FHIT: variants seen among roughly 807,000 people sequenced by gnomAD.
The protein encoded by FHIT is bis(5'-adenosyl)-triphosphatase.
Under a neutral mutation model 17.9 loss-of-function variants are expected in FHIT, and 19 were observed. The observed-to-expected ratio is 1.06, with a 90% CI of 0.74 to 1.56. The LOEUF (loss-of-function observed/expected upper bound fraction) is 1.56, where lower values mean the gene tolerates loss of function less well. Ranked by LOEUF, FHIT falls within the 40% of genes most tolerant of loss-of-function variation. The pLI is 0.00. For missense variants in FHIT, 248 were observed against 189.2 expected, an observed-to-expected ratio of 1.31 and a Z score of -1.82; for synonymous variants, 81 against 69.7, an observed-to-expected ratio of 1.16 and a Z score of -0.81.
At chr3:60,881,194 AG>A (rs1704960578) in intron 3 of FHIT, among the ~76,000 whole-genome samples, 2 of 152,354 alleles carry the variant, frequency 1.3e-5, no homozygotes, top group Non-Finnish European at 2.9e-5. Context: ...CTGTAAAAAG[AG>A]ACAAAGAGGA....
chr3:60,437,485 G>C (rs144847994), intron 5 of FHIT, among the ~76,000 whole-genome samples: 1 of 152,074 alleles, frequency 6.6e-6, no homozygotes, highest in East Asian at 1.9e-4. Flanking sequence ...CTCTATGCCC[G>C]CCATGACACA....
At chr3:60,082,032 G>A (rs1297903888) in intron 5 of FHIT, among the ~76,000 whole-genome samples, 7 of 151,746 alleles carry the variant, frequency 4.6e-5, no homozygotes, top group Admixed American at 3.9e-4. Flanking sequence ...TAGGTATATT[G>A]CATGATGCTC....
chr3:60,571,497 G>A (rs1031844771), intron 4 of FHIT, among the ~76,000 whole-genome samples: 21 of 152,050 alleles, frequency 1.4e-4, no homozygotes, highest in African/African-American at 5.1e-4. Flanking sequence ...CTTCTGAGGA[G>A]AATTTGAGAA....
At chr3:61,181,316 G>A (rs1004434830) in intron 2 of FHIT, among the ~76,000 whole-genome samples, 7 of 152,138 alleles carry the variant, frequency 4.6e-5, no homozygotes, top group African/African-American at 1.7e-4. Flanking sequence ...AATATATACT[G>A]TGAAAACATC....
In FHIT at chr3:60,402,289, G is replaced by A. The variant is rs986181407; in HGVS notation, c.103+134571C>T. ...CATGCAGTCAGTTGCAAAACAGGGA[G>A]CAAGTTTTCCAAAGAGCACGTGGGT... On this transcript the variant is annotated intron_variant, in intron 5 of 9. Coordinates refer to ENST00000492590, the MANE Select transcript of FHIT (RefSeq NM_002012.4). 2.0e-5 allele frequency among the ~76,000 whole-genome samples: 3 copies of A among 152,162 alleles called. No homozygotes were observed. The South Asian group carries it at 6.2e-4, about 31-fold the overall frequency.
intron 2 of FHIT, among the ~76,000 whole-genome samples, chr3:61,099,994 G>C (rs561374879): frequency 6.6e-6 from 1 of 152,036 alleles, no homozygotes; most frequent in Admixed American, 6.6e-5. Context: ...TGGTTTAGTG[G>C]GTGTGAAGTG....
At chr3:59,774,202 G>T (rs934328757) in intron 8 of FHIT, among the ~76,000 whole-genome samples, 2 of 152,106 alleles carry the variant, frequency 1.3e-5, no homozygotes, top group Admixed American at 1.3e-4. Context: ...TTTGGTAAAG[G>T]GGCTTTTATT....
intron 2 of FHIT, among the ~76,000 whole-genome samples, chr3:61,081,854 G>A (rs1244401265): frequency 1.3e-5 from 2 of 151,996 alleles, no homozygotes; most frequent in Non-Finnish European, 1.5e-5. Context: ...ATCTTTTTGG[G>A]GGCACACAAG....
At chr3:60,210,837 T>C (rs1373235246) in intron 5 of FHIT, among the ~76,000 whole-genome samples, 1 of 152,032 alleles carries the variant, frequency 6.6e-6, no homozygotes, top group Non-Finnish European at 1.5e-5. Flanking sequence ...GGATAAGTGT[T>C]CATCAATACC....
intron 3 of FHIT, among the ~76,000 whole-genome samples, chr3:60,944,922 T>G (rs1178139667): frequency 6.6e-6 from 1 of 152,184 alleles, no homozygotes; most frequent in Non-Finnish European, 1.5e-5. Context: ...AACACTGTTC[T>G]AGGCACTAAG....
At chr3:60,033,507 GAGAAAGAAAGAAA>G (rs983895148) in intron 5 of FHIT, among the ~76,000 whole-genome samples, 25 of 151,608 alleles carry the variant, frequency 1.6e-4, no homozygotes, top group East Asian at 1.6e-3. Context: ...AAAAAAAAGA[GAGAAAGAAAGAAA>G]AGAAAGAAAG....
intron 2 of FHIT, among the ~76,000 whole-genome samples, chr3:61,162,261 C>T (rs1205858093): frequency 6.6e-6 from 1 of 152,208 alleles, no homozygotes; most frequent in Non-Finnish European, 1.5e-5. Flanking sequence ...CACTGGAAAG[C>T]CCCTCTTTGT....
intron 1 of FHIT, among the ~76,000 whole-genome samples, chr3:61,211,336 C>T (rs928772998): frequency 3.9e-5 from 6 of 152,148 alleles, no homozygotes; most frequent in Admixed American, 6.5e-5. Context: ...TAAGAAACGG[C>T]GCACCAGAAG....
chr3:60,930,168 G>A (rs1707868448), intron 3 of FHIT, among the ~76,000 whole-genome samples: 1 of 151,904 alleles, frequency 6.6e-6, no homozygotes, highest in African/African-American at 2.4e-5. Flanking sequence ...GCCATATGTA[G>A]AAAGCTGAAA....
At chr3:60,488,225 A>G (rs1441930011) in intron 5 of FHIT, among the ~76,000 whole-genome samples, 1 of 152,162 alleles carries the variant, frequency 6.6e-6, no homozygotes, top group Non-Finnish European at 1.5e-5. Context: ...CTAAAAGATT[A>G]TATTTGAGAT....
At chr3:60,276,238 G>A (rs964512093) in intron 5 of FHIT, among the ~76,000 whole-genome samples, 4 of 151,970 alleles carry the variant, frequency 2.6e-5, no homozygotes, top group Admixed American at 6.6e-5. Context: ...CGCCTGCCTC[G>A]GCCACCTAAA....
At chr3:60,059,168 G>T (rs867293626) in intron 5 of FHIT, among the ~76,000 whole-genome samples, 62 of 152,306 alleles carry the variant, frequency 4.1e-4, no homozygotes, top group Middle Eastern at 6.8e-3. Context: ...CAGCACCAGG[G>T]AAAGACCGTC....
intron 5 of FHIT, among the ~76,000 whole-genome samples, chr3:60,095,779 T>A (rs1248360274): frequency 6.6e-6 from 1 of 152,196 alleles, no homozygotes; most frequent in Admixed American, 6.5e-5. Flanking sequence ...AAAAGGACCA[T>A]TCTAGTTGGC....
chr3:60,006,680 GT>G (rs2106654385), intron 7 of FHIT, among the ~76,000 whole-genome samples: 2 of 151,816 alleles, frequency 1.3e-5, no homozygotes, highest in South Asian at 4.2e-4. Flanking sequence ...GGAAATTGAT[GT>G]TCAGAGAGGC....
Sources: gnomAD v4.1 joint callset for allele counts (sites outside exome capture counted in the v4.1 genomes callset) on GRCh38, gnomAD v4.1.1 for gene constraint, MANE v1.5 for transcripts, NCBI Gene and HGNC (gene_info 2026-07-23, HGNC 2026-07-21) for gene names.